The following ELAPOR1 variants were observed in gnomAD, a reference collection of about 807,000 sequenced individuals.
The protein encoded by ELAPOR1 is endosome-lysosome associated apoptosis and autophagy regulator 1, also known as endosome/lysosome-associated apoptosis and autophagy regulator 1.
In ELAPOR1, 77 loss-of-function variants were observed where a neutral mutation model predicts 119.7. The observed-to-expected ratio is 0.64, with a 90% CI of 0.54 to 0.78. ELAPOR1 has a LOEUF of 0.78. Among genes scored for constraint, ELAPOR1 ranks in the 30% least tolerant of loss-of-function variants. ELAPOR1 has a pLI of 0.00. For missense variants in ELAPOR1, 1,115 were observed against 1,270.4 expected, an observed-to-expected ratio of 0.88 and a Z score of 1.86; for synonymous variants, 481 against 487.2, an observed-to-expected ratio of 0.99 and a Z score of 0.17.
intron 1 of ELAPOR1, chr1:109,161,627 A>G (rs776198379): frequency 3.8e-5 from 10 of 265,952 alleles, no homozygotes; most frequent in African/African-American, 8.6e-5. Context: ...CCTCTGCTCC[A>G]TAAGGACACT....
At chr1:109,175,651 A>T (rs2101067793) in intron 7 of ELAPOR1, among the ~76,000 whole-genome samples, 1 of 150,752 alleles carries the variant, frequency 6.6e-6, no homozygotes, top group East Asian at 2.0e-4. Flanking sequence ...ACATGGCAAA[A>T]CCACGTCTCT....
chr1:109,196,240 T>C (rs1023692381), intron 15 of ELAPOR1, among the ~76,000 whole-genome samples: 1 of 152,212 alleles, frequency 6.6e-6, no homozygotes, highest in Admixed American at 6.5e-5. Context: ...CATAGAGCTC[T>C]GACCCATCTT....
intron 5 of ELAPOR1, 64 bp from the exon 6 acceptor site, chr1:109,173,410 T>C: frequency 1.5e-6 from 2 of 1,350,494 alleles, no homozygotes; most frequent in Non-Finnish European, 2.1e-6. Flanking sequence ...AACAAGAGGC[T>C]ATACCAACAG....
chr1:109,158,080 G>T (rs971635628), intron 1 of ELAPOR1, among the ~76,000 whole-genome samples: 3 of 152,110 alleles, frequency 2.0e-5, no homozygotes, highest in Non-Finnish European at 4.4e-5. Context: ...TAGAGACGGG[G>T]TTTCACCATG....
At position 109,171,934 on chromosome 1, in the gene ELAPOR1, A is replaced by G; in HGVS notation, c.536A>G (p.Tyr179Cys). 1 of 1,614,214 alleles carries G rather than the reference A, an allele frequency of 6.2e-7. No individual in the cohort carries two copies. The highest frequency in any genetic ancestry group is 8.5e-7 in the Non-Finnish European group (1 of 1,180,012). The part of the protein sequence containing the change: ...NTDECTATLM[Y>C]AVNLKQSGTV... The stretch of plus-strand genomic sequence containing the variant: ...GACGAATGCACAGCCACACTGATGT[A>G]CGCCGTCAACCTGAAGCAATCTGGC... Residue 179 changes from tyrosine (Y) to cysteine (C), a missense_variant, in exon 4 of 22, where the codon TAC becomes TGC. Tyr to Cys is a radical substitution (Grantham distance 194, BLOSUM62 -2). Transcript: ENST00000369939.
chr1:109,165,748 C>CTTT (rs757259868), intron 3 of ELAPOR1, among the ~76,000 whole-genome samples: 3,253 of 135,364 alleles, frequency 0.024, 178 homozygotes, highest in African/African-American at 0.084. Flanking sequence ...TCTTCTTCTT[C>CTTT]TTTTTTTTTT....
At chr1:109,137,396 G>A (rs540710133) in intron 1 of ELAPOR1, among the ~76,000 whole-genome samples, 21 of 151,950 alleles carry the variant, frequency 1.4e-4, no homozygotes, top group Admixed American at 4.6e-4. Context: ...TAGAAATGGG[G>A]TTTCTCTATG....
intron 1 of ELAPOR1, among the ~76,000 whole-genome samples, chr1:109,125,976 G>C (rs628245): frequency 0.11 from 17,429 of 152,074 alleles, 1,460 homozygotes; most frequent in African/African-American, 0.23. Flanking sequence ...CCCACACTAC[G>C]CCAGCCTCCT....
At chr1:109,131,752 G>A (rs902136611) in intron 1 of ELAPOR1, among the ~76,000 whole-genome samples, 1 of 152,126 alleles carries the variant, frequency 6.6e-6, no homozygotes, top group African/African-American at 2.4e-5. Context: ...AAAGCTTCAG[G>A]GGCCGGAGGC....
At chr1:109,145,814 A>G (rs139712417) in intron 1 of ELAPOR1, among the ~76,000 whole-genome samples, 4 of 152,298 alleles carry the variant, frequency 2.6e-5, no homozygotes, top group East Asian at 3.9e-4. Context: ...GGGACTACAG[A>G]CATGTGCCAC....
Position 109,191,226 on chromosome 1 carries a change from C to A in ELAPOR1, c.1440-140C>A. On this transcript the variant is annotated intron_variant, in intron 11 of 21. Transcript: ENST00000369939. ...GGTCAAGGTCACATAGCTAGGAGGG[C>A]AGAATTGGATTTAGTCCACACGCTT... 4 of 586,670 alleles carry A rather than the reference C, an allele frequency of 6.8e-6. No homozygotes were observed. In the South Asian group the frequency reaches 8.8e-5, roughly 13 times the overall value. 36.3% of individuals were successfully genotyped at this position (586,670 alleles called of 1,614,324 possible). A position where few individuals can be genotyped will look rare whatever the true frequency, so the allele number is the denominator to read the frequency against.
chr1:109,177,346 G>A (rs1321543569), intron 7 of ELAPOR1, among the ~76,000 whole-genome samples: 2 of 122,170 alleles, frequency 1.6e-5, no homozygotes, highest in Non-Finnish European at 3.3e-5. Flanking sequence ...CAGACCGGGC[G>A]GCTGCCGGGC....
chr1:109,206,692 T>C lies in ELAPOR1; in HGVS notation c.*3680T>C, dbSNP rs1292513320. On this transcript the variant is annotated 3_prime_UTR_variant, in exon 22 of 22. Transcript: ENST00000369939. Reference sequence around the variant, plus strand: ...ATCAGGGCTGGTTGGATTTCCTTTTTACCCTGTAATCCAAGCGTTAATAGT... The same window carrying C: ...ATCAGGGCTGGTTGGATTTCCTTTTCACCCTGTAATCCAAGCGTTAATAGT... 3 of 152,216 alleles carry C rather than the reference T, an allele frequency of 2.0e-5. No homozygotes were observed. Among genetic ancestry groups the C allele is most frequent in the African/African-American group, 7.2e-5 (3 of 41,458 alleles). The allele number at this position is 152,216 out of a possible 1,614,324, so 9.4% of individuals were successfully genotyped here.
chr1:109,158,487 T>C (rs1282924549), intron 1 of ELAPOR1, among the ~76,000 whole-genome samples: 2 of 152,104 alleles, frequency 1.3e-5, no homozygotes, highest in African/African-American at 4.8e-5. Context: ...TTCCTTCTCA[T>C]GTGCCCAGGA....
At chr1:109,138,594 G>GCAGCAGCAGCAGCAGCAGCA (rs1553251171) in intron 1 of ELAPOR1, among the ~76,000 whole-genome samples, 1 of 152,078 alleles carries the variant, frequency 6.6e-6, no homozygotes, top group Non-Finnish European at 1.5e-5. Context: ...AGCAGCAGCA[G>GCAGCAGCAGCAGCAGCAGCA]GCTAAAACTT....
chr1:109,185,003 C>T (rs1437118761), intron 7 of ELAPOR1, 42 bp from the exon 8 acceptor site: 2 of 1,521,648 alleles, frequency 1.3e-6, no homozygotes, highest in Non-Finnish European at 1.8e-6. Flanking sequence ...GCTCAGCTTT[C>T]TTATGTAACT....
intron 8 of ELAPOR1, chr1:109,186,740 A>G: frequency 1.0e-6 from 1 of 985,588 alleles, no homozygotes; most frequent in Non-Finnish European, 1.2e-6. Flanking sequence ...CCTCCTGTTC[A>G]TAACATGTGA....
intron 7 of ELAPOR1, among the ~76,000 whole-genome samples, chr1:109,182,425 A>G (rs375145053): frequency 5.3e-5 from 8 of 152,152 alleles, no homozygotes; most frequent in African/African-American, 1.9e-4. Flanking sequence ...ACAATGTGCC[A>G]GGTAGGTACT....
chr1:109,154,549 A>G (rs1465378330), intron 1 of ELAPOR1, among the ~76,000 whole-genome samples: 1 of 152,172 alleles, frequency 6.6e-6, no homozygotes. Flanking sequence ...GGACCTTCGC[A>G]GCCTGGGGAG....
Sources: gnomAD v4.1 joint callset for allele counts (sites outside exome capture counted in the v4.1 genomes callset) on GRCh38, gnomAD v4.1.1 for gene constraint, MANE v1.5 for transcripts, NCBI Gene and HGNC (gene_info 2026-07-23, HGNC 2026-07-21) for gene names.